PPTC7: variants seen among roughly 807,000 people sequenced by gnomAD.
PPTC7 encodes the protein protein phosphatase targeting COQ7.
In PPTC7, 6 loss-of-function variants were observed where a neutral mutation model predicts 30.8. The observed-to-expected ratio is 0.19, with a 90% CI of 0.11 to 0.38. PPTC7 has a LOEUF of 0.38. PPTC7 is among the 10% of genes least tolerant of loss of function. PPTC7 has a pLI of 1.00. For missense variants in PPTC7, 218 were observed against 404.8 expected, an observed-to-expected ratio of 0.54 and a Z score of 3.96; for synonymous variants, 163 against 168.1, an observed-to-expected ratio of 0.97 and a Z score of 0.23.
chr12:110,545,237 C>T (rs902105881), intron 3 of PPTC7, among the ~76,000 whole-genome samples: 6 of 152,106 alleles, frequency 3.9e-5, no homozygotes, highest in South Asian at 2.1e-4. Context: ...GGACTACAGG[C>T]GCCCGCCATC....
In PPTC7 at chr12:110,534,770, A is replaced by C. The variant is rs1041560394; in HGVS notation, c.*2267T>G. 4 of 152,296 alleles carry C rather than the reference A, an allele frequency of 2.6e-5. No homozygotes were observed. Among genetic ancestry groups the C allele is most frequent in the Non-Finnish European group, 5.9e-5 (4 of 68,028 alleles). The allele number at this position is 152,296 out of a possible 1,614,324, so 9.4% of individuals were successfully genotyped here. On this transcript the variant is annotated 3_prime_UTR_variant, in exon 6 of 6. Coordinates refer to ENST00000354300, the MANE Select transcript of PPTC7 (RefSeq NM_139283.2). ...ACAAACACATCGTCAATTTCTAACA[A>C]TCGTTTCTCAAAAAGGTAAGCTGAG...
chr12:110,541,483 G>T (rs1275736843), intron 3 of PPTC7, among the ~76,000 whole-genome samples: 1 of 151,048 alleles, frequency 6.6e-6, no homozygotes, highest in African/African-American at 2.4e-5. Context: ...CAAGGCGGGC[G>T]GATCACCTGA....
chr12:110,548,677 T>G (rs1209827681), intron 2 of PPTC7, among the ~76,000 whole-genome samples: 1 of 152,218 alleles, frequency 6.6e-6, no homozygotes, highest in Non-Finnish European at 1.5e-5. Flanking sequence ...AAAATTCTGC[T>G]GCAAGAAGGA....
At chr12:110,562,371 C>A (rs2064445865) in intron 1 of PPTC7, among the ~76,000 whole-genome samples, 1 of 147,818 alleles carries the variant, frequency 6.8e-6, no homozygotes, top group African/African-American at 2.5e-5. Flanking sequence ...CAAATATATT[C>A]TGTCAAGTTA....
In PPTC7 at chr12:110,583,065, CG is replaced by C; in HGVS notation, c.-35del. The C allele has an allele frequency of 7.4e-7, 1 of 1,360,038 alleles. No homozygotes were observed. Among genetic ancestry groups the C allele is most frequent in the Non-Finnish European group, 9.4e-7 (1 of 1,065,114 alleles). The allele number at this position is 1,360,038 out of a possible 1,614,324, so 84.2% of individuals were successfully genotyped here. ...CCGCCCCCCCGAGGAGGCGGGGGGC[CG>C]GGGGAGCAGGAGGACGCGGAGGCCC... On this transcript the variant is annotated 5_prime_UTR_variant, in exon 1 of 6. Transcript: ENST00000354300.
rs2064475418 is a variant in PPTC7 at position 110,565,391 on chromosome 12, G to A, written c.224-13423C>T. Among the ~76,000 whole-genome samples, 6 of 151,860 alleles carry A rather than the reference G, an allele frequency of 4.0e-5. No individual in the cohort carries two copies. In the South Asian group the frequency reaches 1.2e-3, roughly 32 times the overall value. ...CTGCCTCAGCCTCCTGAGTAGCTGG[G>A]ATTACAGGCGCCCACCACCATGCTG... is the stretch of plus-strand genomic sequence containing the variant. On this transcript the variant is annotated intron_variant, in intron 1 of 5. Coordinates refer to ENST00000354300, the MANE Select transcript of PPTC7 (RefSeq NM_139283.2).
intron 2 of PPTC7, among the ~76,000 whole-genome samples, chr12:110,550,776 G>A (rs932821500): frequency 6.6e-6 from 1 of 152,114 alleles, no homozygotes; most frequent in Non-Finnish European, 1.5e-5. Context: ...AAGATTATCG[G>A]GGATCTAATT....
chr12:110,536,640 G>A lies in PPTC7; in HGVS notation c.*397C>T, dbSNP rs919919002. 1.7e-4 allele frequency: 29 copies of A among 170,054 alleles called. No homozygotes were observed. The highest frequency in any genetic ancestry group is 3.2e-4 in the Non-Finnish European group (26 of 80,310). The allele number at this position is 170,054 out of a possible 1,614,324, so 10.5% of individuals were successfully genotyped here. ...ATGTTTCTAGTAGATGTATCATTAC[G>A]TACAATTTGTGTTAGACTTGTACCA... On this transcript the variant is annotated 3_prime_UTR_variant, in exon 6 of 6. Coordinates refer to ENST00000354300, the MANE Select transcript of PPTC7 (RefSeq NM_139283.2).
At chr12:110,554,007 C>T (rs893779028) in intron 1 of PPTC7, among the ~76,000 whole-genome samples, 3 of 151,964 alleles carry the variant, frequency 2.0e-5, no homozygotes, top group African/African-American at 7.3e-5. Context: ...TACAGGTGCT[C>T]GACACCACAC....
chr12:110,544,795 T>C (rs2064291938), intron 3 of PPTC7, among the ~76,000 whole-genome samples: 1 of 152,040 alleles, frequency 6.6e-6, no homozygotes, highest in African/African-American at 2.4e-5. Flanking sequence ...ATCATGCCAT[T>C]GCACTCCAGC....
intron 1 of PPTC7, among the ~76,000 whole-genome samples, chr12:110,557,797 G>C (rs1276434911): frequency 6.6e-6 from 1 of 152,196 alleles, no homozygotes; most frequent in Non-Finnish European, 1.5e-5. Flanking sequence ...TCACAGTTCT[G>C]CATGGCTGGG....
At chr12:110,563,122 C>CAAA (rs766517371) in intron 1 of PPTC7, among the ~76,000 whole-genome samples, 691 of 41,838 alleles carry the variant, frequency 0.017, no homozygotes, top group East Asian at 0.024. Context: ...GACTCCATCT[C>CAAA]AAAAAAAAAA....
At chr12:110,541,073 C>A (rs1178564758) in intron 3 of PPTC7, among the ~76,000 whole-genome samples, 1 of 151,630 alleles carries the variant, frequency 6.6e-6, no homozygotes, top group Non-Finnish European at 1.5e-5. Context: ...CTGCGCCCAG[C>A]CGCCAATCTT....
At chr12:110,560,087 A>G (rs2064425838) in intron 1 of PPTC7, among the ~76,000 whole-genome samples, 2 of 152,196 alleles carry the variant, frequency 1.3e-5, no homozygotes, top group South Asian at 4.1e-4. Context: ...GTCTTTGCCA[A>G]AATGGTATAA....
At chr12:110,543,564 G>T (rs1180449696) in intron 3 of PPTC7, among the ~76,000 whole-genome samples, 1 of 152,160 alleles carries the variant, frequency 6.6e-6, no homozygotes, top group Non-Finnish European at 1.5e-5. Context: ...GATTCTAGAA[G>T]TGTAGATTAA....
At chr12:110,551,503 T>C (rs1469160300) in intron 2 of PPTC7, among the ~76,000 whole-genome samples, 1 of 152,098 alleles carries the variant, frequency 6.6e-6, no homozygotes, top group African/African-American at 2.4e-5. Flanking sequence ...TGCGCCACCA[T>C]GCCTGGCTAA....
intron 1 of PPTC7, among the ~76,000 whole-genome samples, chr12:110,566,044 G>C (rs2064480355): frequency 6.6e-6 from 1 of 152,172 alleles, no homozygotes; most frequent in Admixed American, 6.6e-5. Context: ...AGTCATAGCA[G>C]GTGAGGGTTC....
chr12:110,572,681 C>G (rs1319265209), intron 1 of PPTC7, among the ~76,000 whole-genome samples: 1 of 151,968 alleles, frequency 6.6e-6, no homozygotes, highest in Non-Finnish European at 1.5e-5. Flanking sequence ...GGATTCATAC[C>G]AACAATTCAA....
rs796973487 is a variant in PPTC7 at position 110,550,223 on chromosome 12, ATTTTTTTTTTT to A, written c.403+1555_403+1565del. On this transcript the variant is annotated intron_variant, in intron 2 of 5. Transcript: ENST00000354300. ...CTCCATTAACGCTAAACAGGGGCTG[ATTTTTTTTTTT>A]TTTTTTTTTTTTTGGAGATGGAGTC... is the stretch of plus-strand genomic sequence containing the variant. Among the ~76,000 whole-genome samples the A allele has an allele frequency of 9.5e-3, 979 of 103,068 alleles. 1 individual carries two copies. Among genetic ancestry groups the A allele is most frequent in the Non-Finnish European group, 0.013 (632 of 50,460 alleles). The allele number at this position is 103,068 out of a possible 152,430, so 67.6% of individuals were successfully genotyped here. A position where few individuals can be genotyped will look rare whatever the true frequency, so the allele number is the denominator to read the frequency against.
Sources: allele counts gnomAD v4.1 joint callset (sites outside exome capture counted in the v4.1 genomes callset), GRCh38; gene constraint gnomAD v4.1.1; transcripts MANE v1.5; gene names NCBI Gene and HGNC (gene_info 2026-07-23, HGNC 2026-07-21).